The following RALGPS2 variants were observed in gnomAD, a reference collection of about 807,000 sequenced individuals.
The protein encoded by RALGPS2 is Ral GEF with PH domain and SH3 binding motif 2, also known as ras-specific guanine nucleotide-releasing factor RalGPS2.
Under a neutral mutation model 86.8 loss-of-function variants are expected in RALGPS2, and 43 were observed. The ratio of observed to expected loss-of-function variants is 0.50; its 90% confidence interval spans 0.39 to 0.64. The LOEUF (loss-of-function observed/expected upper bound fraction) is 0.64, where lower values mean the gene tolerates loss of function less well. RALGPS2 is among the 30% of genes least tolerant of loss of function. The pLI, the probability that RALGPS2 is intolerant of heterozygous loss-of-function variation, is 0.00. For synonymous variants in RALGPS2, 243 were observed against 231.3 expected (o/e 1.05, Z -0.46); for missense variants, 536 against 694.6 (o/e 0.77, Z 2.57).
At chr1:178,860,952 G>C (rs546625130) in intron 8 of RALGPS2, among the ~76,000 whole-genome samples, 1 of 152,296 alleles carries the variant, frequency 6.6e-6, no homozygotes, top group South Asian at 2.1e-4. Context: ...AGCACATTGT[G>C]TAAGGAAAAT....
intron 5 of RALGPS2, among the ~76,000 whole-genome samples, chr1:178,808,842 G>C (rs1654853130): frequency 1.3e-5 from 2 of 152,088 alleles, no homozygotes; most frequent in Admixed American, 6.5e-5. Flanking sequence ...GCAGCCTGTA[G>C]TTAACAAATT....
chr1:178,821,913 T>A (rs1655526133), intron 7 of RALGPS2, among the ~76,000 whole-genome samples: 2 of 152,188 alleles, frequency 1.3e-5, no homozygotes, highest in Admixed American at 1.3e-4. Context: ...AGCTTGGTGC[T>A]TAGTTTTTGC....
chr1:178,747,311 G>A (rs1305309052), intron 1 of RALGPS2: 2 of 1,531,598 alleles, frequency 1.3e-6, no homozygotes, highest in Non-Finnish European at 1.8e-6. Context: ...ATCTGGCCAA[G>A]TAGTATAATG....
At position 178,812,928 on chromosome 1, in the gene RALGPS2, C is replaced by CTT. The variant is rs397844555; in HGVS notation, c.387+1544_387+1545dup. Among the ~76,000 whole-genome samples the CTT allele has an allele frequency of 9.1e-3, 970 of 106,824 alleles. 27 individuals carry two copies. Among genetic ancestry groups the CTT allele is most frequent in the African/African-American group, 0.033 (916 of 27,416 alleles). The allele number at this position is 106,824 out of a possible 152,430, so 70.1% of individuals were successfully genotyped here. ...TTTGTGATGATATGTTAGGTAAATA[C>CTT]TTTTTTTTTTTTTTTTTTTTTGGAG... On this transcript the variant is annotated intron_variant, in intron 6 of 19. Transcript: ENST00000367635.
At chr1:178,780,687 TAAC>T (rs1237606408) in intron 2 of RALGPS2, among the ~76,000 whole-genome samples, 1 of 152,204 alleles carries the variant, frequency 6.6e-6, no homozygotes, top group Non-Finnish European at 1.5e-5. Context: ...TCTTCTGTCA[TAAC>T]TTTGCCTATA....
intron 4 of RALGPS2, among the ~76,000 whole-genome samples, chr1:178,805,065 A>G (rs1240708203): frequency 6.7e-6 from 1 of 149,116 alleles, no homozygotes; most frequent in Non-Finnish European, 1.5e-5. Flanking sequence ...TTTTGGCTGC[A>G]TAAATGTCTT....
At position 178,759,646 on chromosome 1, in the gene RALGPS2, G is replaced by A. The variant is rs1391781079; in HGVS notation, c.-83-17036G>A. On this transcript the variant is annotated intron_variant, in intron 1 of 19. Coordinates refer to ENST00000367635, the MANE Select transcript of RALGPS2 (RefSeq NM_152663.5). Reference sequence around the variant, plus strand: ...AAGAATATTATTGGTATGTTGATAGGGATTGCATTGCCTTGAATCTGTAGA... The same window carrying A: ...AAGAATATTATTGGTATGTTGATAGAGATTGCATTGCCTTGAATCTGTAGA... Among the ~76,000 whole-genome samples the A allele has an allele frequency of 2.6e-5, 4 of 151,318 alleles. No homozygotes were observed. The South Asian group carries it at 6.3e-4, about 24-fold the overall frequency.
intron 8 of RALGPS2, among the ~76,000 whole-genome samples, chr1:178,866,046 T>C (rs185677985): frequency 6.6e-4 from 100 of 152,312 alleles, no homozygotes; most frequent in Admixed American, 1.2e-3. Context: ...TGTAATCCTT[T>C]TTGTTCCCCA....
intron 8 of RALGPS2, among the ~76,000 whole-genome samples, chr1:178,863,448 T>C (rs1183412987): frequency 6.6e-6 from 1 of 152,150 alleles, no homozygotes; most frequent in Non-Finnish European, 1.5e-5. Context: ...TAGTCAGTGA[T>C]TTGGGGAAAA....
Position 178,856,394 on chromosome 1 carries a change from A to ATTTTTTTTTTTTTTTTTTTTTTTTTTTTT in RALGPS2, c.608-21100_608-21072dup, listed in dbSNP as rs71108081. Among the ~76,000 whole-genome samples, 4 of 36,432 alleles carry ATTTTTTTTTTTTTTTTTTTTTTTTTTTTT rather than the reference A, an allele frequency of 1.1e-4. 2 individuals carry two copies. The highest frequency in any genetic ancestry group is 5.8e-4 in the African/African-American group (4 of 6,862). 23.9% of individuals were successfully genotyped at this position (36,432 alleles called of 152,430 possible). A position where few individuals can be genotyped will look rare whatever the true frequency, so the allele number is the denominator to read the frequency against. On this transcript the variant is annotated intron_variant, in intron 8 of 19. Transcript: ENST00000367635. ...AGGCAAGTGCCACCCTGCCTGGCTA[A>ATTTTTTTTTTTTTTTTTTTTTTTTTTTTT]TTTTTTTTTTTTTTTTTTTTTTTTT...
chr1:178,773,654 G>C (rs1393231487), intron 1 of RALGPS2, among the ~76,000 whole-genome samples: 1 of 151,968 alleles, frequency 6.6e-6, no homozygotes, highest in African/African-American at 2.4e-5. Flanking sequence ...AAATTAGCCG[G>C]GCGTGGTGGC....
chr1:178,726,554 A>C (rs944766208), intron 1 of RALGPS2, among the ~76,000 whole-genome samples: 8 of 151,586 alleles, frequency 5.3e-5, no homozygotes, highest in African/African-American at 9.7e-5. Context: ...AAAAAAAAAA[A>C]CCCCAAAAGA....
At chr1:178,844,395 G>C (rs1423284306) in intron 8 of RALGPS2, among the ~76,000 whole-genome samples, 2 of 152,088 alleles carry the variant, frequency 1.3e-5, no homozygotes, top group African/African-American at 4.8e-5. Context: ...CCTATATGCT[G>C]GTAAAACTCT....
At chr1:178,867,307 T>C (rs1658478079) in intron 8 of RALGPS2, among the ~76,000 whole-genome samples, 1 of 152,122 alleles carries the variant, frequency 6.6e-6, no homozygotes, top group South Asian at 2.1e-4. Flanking sequence ...ATCCAAAAGT[T>C]AAGTACCTTA....
Position 178,757,146 on chromosome 1 carries a change from A to G in RALGPS2, c.-83-19536A>G, listed in dbSNP as rs935335957. The stretch of plus-strand genomic sequence containing the variant: ...ATGGAAATGCTACTGATTTTTGTAC[A>G]TTGACTTTGTATCTTGAAACTTTAC... On this transcript the variant is annotated intron_variant, in intron 1 of 19. Transcript: ENST00000367635. Among the ~76,000 whole-genome samples the G allele has an allele frequency of 2.6e-5, 4 of 152,198 alleles. No homozygotes were observed. In the South Asian group the frequency reaches 8.3e-4, roughly 32 times the overall value.
chr1:178,892,139 A>G, intron 14 of RALGPS2, 91 bp from the exon 15 acceptor site: 1 of 1,119,734 alleles, frequency 8.9e-7, no homozygotes, highest in Non-Finnish European at 1.3e-6. Context: ...CTATATTACA[A>G]GAAGAAACTA....
rs58166320 is a variant in RALGPS2, at chr1:178,751,287, A to G, written c.-83-25395A>G. 3.3e-3 allele frequency among the ~76,000 whole-genome samples: 498 copies of G among 152,038 alleles called. 3 individuals are homozygous for G. The highest frequency in any genetic ancestry group is 0.012 in the African/African-American group (488 of 41,460). ...CCATAAATTTCCCTTCCATATGCCC[A>G]TTTTCTACTTGTTAAGACTCATCTC... On this transcript the variant is annotated intron_variant, in intron 1 of 19. Coordinates refer to ENST00000367635, the MANE Select transcript of RALGPS2 (RefSeq NM_152663.5).
At chr1:178,906,439 G>A (rs1426342130) in intron 18 of RALGPS2, among the ~76,000 whole-genome samples, 1 of 152,070 alleles carries the variant, frequency 6.6e-6, no homozygotes, top group Non-Finnish European at 1.5e-5. Context: ...ATATTCTGCA[G>A]TCTTATCCAC....
intron 4 of RALGPS2, among the ~76,000 whole-genome samples, chr1:178,803,700 T>C (rs1243203884): frequency 7.1e-6 from 1 of 141,120 alleles, no homozygotes; most frequent in Non-Finnish European, 1.6e-5. Flanking sequence ...ATCATTTCAT[T>C]ATTTCTTTCA....
Sources: gnomAD v4.1 joint callset for allele counts (sites outside exome capture counted in the v4.1 genomes callset) on GRCh38, gnomAD v4.1.1 for gene constraint, MANE v1.5 for transcripts, NCBI Gene and HGNC (gene_info 2026-07-23, HGNC 2026-07-21) for gene names.